Variants in UBE2H observed in about 807,000 individuals in gnomAD.
UBE2H encodes ubiquitin conjugating enzyme E2 H.
Under a neutral mutation model 29.0 loss-of-function variants are expected in UBE2H, and 3 were observed. The observed-to-expected ratio is 0.10, with a 90% confidence interval of 0.05 to 0.27. UBE2H has a LOEUF of 0.27. Ranked by LOEUF, UBE2H falls within the 10% of genes least tolerant of loss-of-function variation. The probability of loss-of-function intolerance (pLI) is 1.00; values close to 1 mark genes in which losing one functional copy is unlikely to be tolerated. For missense variants in UBE2H, 68 were observed against 228.2 expected (o/e 0.30, Z 4.52); for synonymous variants, 69 against 82.9 (o/e 0.83, Z 0.91).
intron 1 of UBE2H, among the ~76,000 whole-genome samples, chr7:129,917,725 A>T (rs1807073095): frequency 6.6e-6 from 1 of 152,210 alleles, no homozygotes; most frequent in Non-Finnish European, 1.5e-5. Flanking sequence ...AAACACAATT[A>T]AAACTTTGAA....
intron 3 of UBE2H, among the ~76,000 whole-genome samples, chr7:129,873,020 G>GTTTT (rs10677960): frequency 7.2e-6 from 1 of 139,714 alleles, no homozygotes; most frequent in Non-Finnish European, 1.6e-5. Context: ...ATAGCTCAGA[G>GTTTT]TTTTTTTTTT....
At position 129,832,917 on chromosome 7, in the gene UBE2H, G is replaced by C. The variant is rs1805256767; in HGVS notation, c.*2020C>G. The C allele has an allele frequency of 6.6e-6, 1 of 152,186 alleles. No individual in the cohort carries two copies. Among genetic ancestry groups the C allele is most frequent in the South Asian group, 2.1e-4 (1 of 4,822 alleles). The allele number at this position is 152,186 out of a possible 1,614,324, so 9.4% of individuals were successfully genotyped here. ...AACTGCAAAGTCAGCAGGTAAGCAA[G>C]TTAGACAGTGCCAGCAGAGAGACCC... On this transcript the variant is annotated 3_prime_UTR_variant, in exon 7 of 7. Transcript: ENST00000355621.
chr7:129,878,013 T>C (rs368952297), intron 3 of UBE2H, among the ~76,000 whole-genome samples: 12 of 152,306 alleles, frequency 7.9e-5, no homozygotes, highest in East Asian at 3.9e-4. Context: ...TGAACTTGCA[T>C]GGACTTCTAT....
At chr7:129,873,425 C>CTTTT (rs373132869) in intron 3 of UBE2H, among the ~76,000 whole-genome samples, 95 of 122,972 alleles carry the variant, frequency 7.7e-4, no homozygotes, top group African/African-American at 2.7e-3. Flanking sequence ...ACATCAAATT[C>CTTTT]TTTTTTTTTT....
chr7:129,948,573 G>A (rs1466155859), intron 1 of UBE2H, among the ~76,000 whole-genome samples: 1 of 152,116 alleles, frequency 6.6e-6, no homozygotes, highest in East Asian at 1.9e-4. Context: ...CAGCACTCTG[G>A]GAGGCCAAGG....
Position 129,932,057 on chromosome 7 carries a change from C to T in UBE2H, c.53+20446G>A, listed in dbSNP as rs537443997. Among the ~76,000 whole-genome samples, 8 of 151,284 alleles carry T rather than the reference C, an allele frequency of 5.3e-5. No homozygotes were observed. The East Asian group carries it at 1.2e-3, about 22-fold the overall frequency. On this transcript the variant is annotated intron_variant, in intron 1 of 6. Transcript: ENST00000355621. ...CAAGCTAGTCTCAAACTCCTGACCA[C>T]GTGATCCGCCTGCCTCGGCCTCCCA...
chr7:129,945,748 T>G (rs1005088782), intron 1 of UBE2H, among the ~76,000 whole-genome samples: 15 of 152,154 alleles, frequency 9.9e-5, no homozygotes, highest in Admixed American at 9.8e-4. Flanking sequence ...GAGCTACTTT[T>G]TTTTTTTTTG....
chr7:129,891,584 A>G (rs1227595914), intron 1 of UBE2H, among the ~76,000 whole-genome samples: 1 of 152,098 alleles, frequency 6.6e-6, no homozygotes, highest in Non-Finnish European at 1.5e-5. Context: ...TGGGCGGATC[A>G]TGAGGTCAGG....
intron 1 of UBE2H, among the ~76,000 whole-genome samples, chr7:129,945,536 C>T (rs985355827): frequency 1.3e-5 from 2 of 152,140 alleles, no homozygotes; most frequent in Admixed American, 6.6e-5. Context: ...AACAAGAGCC[C>T]GCTGAGTGTA....
At chr7:129,903,835 G>A (rs2116429102) in intron 1 of UBE2H, among the ~76,000 whole-genome samples, 1 of 152,346 alleles carries the variant, frequency 6.6e-6, no homozygotes, top group East Asian at 1.9e-4. Context: ...GAGCCCAGGA[G>A]TTCAAGGCTA....
chr7:129,948,606 G>A (rs1807810750), intron 1 of UBE2H, among the ~76,000 whole-genome samples: 1 of 151,986 alleles, frequency 6.6e-6, no homozygotes, highest in African/African-American at 2.4e-5. Flanking sequence ...TTGAGGCCAG[G>A]AGTTGGGAGG....
At chr7:129,944,590 CA>C (rs1399962828) in intron 1 of UBE2H, among the ~76,000 whole-genome samples, 1 of 151,566 alleles carries the variant, frequency 6.6e-6, no homozygotes, top group Non-Finnish European at 1.5e-5. Flanking sequence ...CTCATCTCTA[CA>C]AAAAAAATAA....
intron 1 of UBE2H, among the ~76,000 whole-genome samples, chr7:129,924,663 C>G (rs1807229275): frequency 6.9e-6 from 1 of 145,610 alleles, no homozygotes; most frequent in Non-Finnish European, 1.5e-5. Flanking sequence ...ATAAGAGTTG[C>G]ATGTATAATG....
chr7:129,906,290 C>T (rs1222121082), intron 1 of UBE2H, among the ~76,000 whole-genome samples: 3 of 151,718 alleles, frequency 2.0e-5, no homozygotes, highest in Non-Finnish European at 4.4e-5. Flanking sequence ...ACTGCAACCT[C>T]CACCTCCCGG....
intron 5 of UBE2H, among the ~76,000 whole-genome samples, chr7:129,853,226 T>C (rs1389832516): frequency 6.6e-6 from 1 of 152,058 alleles, no homozygotes; most frequent in Non-Finnish European, 1.5e-5. Flanking sequence ...ACAGATAAAA[T>C]ATATTTTGGA....
rs184505689 is a variant in UBE2H at position 129,886,085 on chromosome 7, A to T, written c.54-5114T>A. Among the ~76,000 whole-genome samples, 63 of 152,356 alleles carry T rather than the reference A, an allele frequency of 4.1e-4. 1 individual carries two copies. In the Middle Eastern group the frequency reaches 0.014, roughly 33 times the overall value. ...TTCCTCATTACTTTCTCTGTTTCAC[A>T]GCTTAAAAATATAAAATATCCTTCA... On this transcript the variant is annotated intron_variant, in intron 1 of 6. Coordinates refer to ENST00000355621, the MANE Select transcript of UBE2H (RefSeq NM_003344.4).
chr7:129,868,331 A>G (rs1446032090), intron 3 of UBE2H, among the ~76,000 whole-genome samples: 1 of 152,178 alleles, frequency 6.6e-6, no homozygotes, highest in African/African-American at 2.4e-5. Flanking sequence ...CTGTAATCCC[A>G]GCACTTTGGG....
chr7:129,860,991 G>A (rs759944312), intron 3 of UBE2H, among the ~76,000 whole-genome samples: 7 of 152,176 alleles, frequency 4.6e-5, no homozygotes, highest in Non-Finnish European at 7.3e-5. Context: ...GGAGGCCAAG[G>A]TGGGTGGATC....
At chr7:129,923,868 C>G (rs1284419703) in intron 1 of UBE2H, among the ~76,000 whole-genome samples, 1 of 152,158 alleles carries the variant, frequency 6.6e-6, no homozygotes, top group Non-Finnish European at 1.5e-5. Context: ...AATAGATACT[C>G]TCACTCCACA....
Sources: gnomAD v4.1 joint callset for allele counts (sites outside exome capture counted in the v4.1 genomes callset) on GRCh38, gnomAD v4.1.1 for gene constraint, MANE v1.5 for transcripts, NCBI Gene and HGNC (gene_info 2026-07-23, HGNC 2026-07-21) for gene names.